The following CDC42BPA variants were observed in gnomAD, a reference collection of about 807,000 sequenced individuals.
The protein encoded by CDC42BPA is serine/threonine-protein kinase MRCK alpha.
A neutral mutation model predicts 223.5 loss-of-function variants in CDC42BPA; 80 were observed. That is an observed-to-expected ratio of 0.36 (90% confidence interval 0.30 to 0.43). The LOEUF (loss-of-function observed/expected upper bound fraction) is 0.43, where lower values mean the gene tolerates loss of function less well. Ranked by LOEUF, CDC42BPA falls within the 20% of genes least tolerant of loss-of-function variation. The probability of loss-of-function intolerance (pLI) is 1.00; values close to 1 mark genes in which losing one functional copy is unlikely to be tolerated. For synonymous variants in CDC42BPA, 694 were observed against 718.6 expected (o/e 0.97, Z 0.55); for missense variants, 1,743 against 2,099.9 (o/e 0.83, Z 3.32).
chr1:227,066,570 TA>T (rs1677130159), intron 21 of CDC42BPA, among the ~76,000 whole-genome samples: 1 of 152,120 alleles, frequency 6.6e-6, no homozygotes, highest in African/African-American at 2.4e-5. Flanking sequence ...GAATGAATGA[TA>T]ACTCTGGGAA....
At chr1:227,241,413 T>C (rs1316804552) in intron 2 of CDC42BPA, among the ~76,000 whole-genome samples, 2 of 152,088 alleles carry the variant, frequency 1.3e-5, no homozygotes, top group Non-Finnish European at 1.5e-5. Flanking sequence ...CAGCTTTATT[T>C]CTAATAGCCA....
intron 2 of CDC42BPA, among the ~76,000 whole-genome samples, chr1:227,239,903 T>TACA (rs1402718782): frequency 4.6e-5 from 7 of 152,102 alleles, no homozygotes; most frequent in Non-Finnish European, 8.8e-5. Flanking sequence ...CAACACTGTA[T>TACA]TAGAGGTCCG....
intron 7 of CDC42BPA, 31 bp from the exon 8 acceptor site, chr1:227,145,768 A>C: frequency 6.3e-7 from 1 of 1,580,606 alleles, no homozygotes. Context: ...ACAAAATATA[A>C]ATCAGTGTTT....
chr1:227,293,520 T>TAAAA (rs34855867), intron 1 of CDC42BPA, among the ~76,000 whole-genome samples: 7 of 143,402 alleles, frequency 4.9e-5, no homozygotes, highest in Non-Finnish European at 1.1e-4. Flanking sequence ...GTAAAGTCAT[T>TAAAA]AAAAAAAAAA....
At chr1:227,301,361 CATTT>C (rs771279151) in intron 1 of CDC42BPA, among the ~76,000 whole-genome samples, 2 of 144,822 alleles carry the variant, frequency 1.4e-5, no homozygotes, top group Admixed American at 6.8e-5. Context: ...AGGATGTAGA[CATTT>C]TTTTTTTTTT....
At chr1:227,015,287 G>T (rs1665985724) in intron 34 of CDC42BPA, among the ~76,000 whole-genome samples, 2 of 152,152 alleles carry the variant, frequency 1.3e-5, no homozygotes, top group Non-Finnish European at 2.9e-5. Context: ...GCTGGGCATG[G>T]TGGTGGGTGC....
At chr1:227,074,880 G>A (rs16846972) in intron 17 of CDC42BPA, among the ~76,000 whole-genome samples, 23,499 of 152,114 alleles carry the variant, frequency 0.15, 2,201 homozygotes, top group African/African-American at 0.25. Context: ...AACAAAGAGG[G>A]AAGATTAAAG....
intron 10 of CDC42BPA, 67 bp from the exon 11 acceptor site, chr1:227,129,298 T>C: frequency 8.7e-7 from 1 of 1,149,196 alleles, no homozygotes; most frequent in Non-Finnish European, 1.2e-6. Context: ...CTAATAACAT[T>C]ATTTTTTTGG....
chr1:227,298,076 C>T (rs1334232912), intron 1 of CDC42BPA, among the ~76,000 whole-genome samples: 4 of 135,650 alleles, frequency 2.9e-5, no homozygotes, highest in African/African-American at 1.1e-4. Context: ...AGCAGTGTGA[C>T]TATATACAAT....
At chr1:227,132,972 C>T (rs1445693843) in intron 10 of CDC42BPA, among the ~76,000 whole-genome samples, 10 of 150,990 alleles carry the variant, frequency 6.6e-5, no homozygotes, top group African/African-American at 1.7e-4. Context: ...CCCCGCCGTC[C>T]GGCAGCCACC....
At chr1:227,034,391 C>A (rs2148694319) in intron 26 of CDC42BPA, among the ~76,000 whole-genome samples, 1 of 152,246 alleles carries the variant, frequency 6.6e-6, no homozygotes, top group East Asian at 1.9e-4. Flanking sequence ...GGTAGGCCTC[C>A]ATTACCCCAT....
At chr1:227,074,966 G>A (rs1344939467) in intron 17 of CDC42BPA, among the ~76,000 whole-genome samples, 1 of 152,088 alleles carries the variant, frequency 6.6e-6, no homozygotes, top group African/African-American at 2.4e-5. Context: ...TAGACAGAAA[G>A]TTTTCAAATT....
At chr1:227,263,453 A>G (rs955089839) in intron 1 of CDC42BPA, among the ~76,000 whole-genome samples, 59 of 152,302 alleles carry the variant, frequency 3.9e-4, no homozygotes, top group African/African-American at 1.4e-3. Context: ...TTTACAGCAT[A>G]GTGGTCATGA....
Position 227,200,621 on chromosome 1 carries a change from C to T in CDC42BPA, c.355-969G>A, listed in dbSNP as rs559804064. On this transcript the variant is annotated intron_variant, in intron 3 of 36. Coordinates refer to ENST00000366766, the MANE Select transcript of CDC42BPA (RefSeq NM_001394014.1). ...TATAATTTATTTATGCAACCCCCAA[C>T]CGTGGAAACACAGGTTATTTCCAGT... Among the ~76,000 whole-genome samples, 9 of 151,504 alleles carry T rather than the reference C, an allele frequency of 5.9e-5. No individual in the cohort carries two copies. In the South Asian group the frequency reaches 1.5e-3, roughly 25 times the overall value.
chr1:227,031,715 A>G (rs542786821), intron 27 of CDC42BPA, among the ~76,000 whole-genome samples: 1 of 152,286 alleles, frequency 6.6e-6, no homozygotes, highest in South Asian at 2.1e-4. Context: ...GGCAGACACC[A>G]TTTGAAATGT....
chr1:227,219,459 GTAAC>G (rs1455721093), intron 2 of CDC42BPA: 1 of 152,228 alleles, frequency 6.6e-6, no homozygotes, highest in African/African-American at 2.4e-5. Flanking sequence ...AAGTTAAGCA[GTAAC>G]TAACACAATT....
Position 227,048,024 on chromosome 1 carries a change from C to T in CDC42BPA, c.3010-14G>A. On this transcript the variant is annotated splice_polypyrimidine_tract_variant and intron_variant, in intron 22 of 36. Coordinates refer to ENST00000366766, the MANE Select transcript of CDC42BPA (RefSeq NM_001394014.1). The stretch of plus-strand genomic sequence containing the variant: ...GGAGTCTACAGTCTGAACCCAGGAG[C>T]AAAAAAGGAAATAAATGTCATGAAA... 6.6e-7 allele frequency: 1 copy of T among 1,508,778 alleles called. No homozygotes were observed. The highest frequency in any genetic ancestry group is 9.1e-7 in the Non-Finnish European group (1 of 1,102,108). 93.5% of individuals were successfully genotyped at this position (1,508,778 alleles called of 1,614,324 possible).
At chr1:227,239,094 TA>T (rs1264539923) in intron 2 of CDC42BPA, among the ~76,000 whole-genome samples, 1 of 152,198 alleles carries the variant, frequency 6.6e-6, no homozygotes, top group East Asian at 1.9e-4. Flanking sequence ...TATTCAGCAC[TA>T]AAAAGAAAAG....
At chr1:227,238,698 G>A (rs1679510037) in intron 2 of CDC42BPA, among the ~76,000 whole-genome samples, 1 of 152,128 alleles carries the variant, frequency 6.6e-6, no homozygotes, top group African/African-American at 2.4e-5. Context: ...TAAGAAAGCT[G>A]GCTATACTGA....
Sources: allele counts gnomAD v4.1 joint callset (sites outside exome capture counted in the v4.1 genomes callset), GRCh38; gene constraint gnomAD v4.1.1; transcripts MANE v1.5; gene names NCBI Gene and HGNC (gene_info 2026-07-23, HGNC 2026-07-21).